Variants in MGAT4C observed in about 807,000 individuals in gnomAD.
The protein encoded by MGAT4C is MGAT4 family member C, also known as alpha-1,3-mannosyl-glycoprotein 4-beta-N-acetylglucosaminyltransferase C.
In MGAT4C, 19 loss-of-function variants were observed where a neutral mutation model predicts 40.1. That is an observed-to-expected ratio of 0.47 (90% CI 0.33 to 0.70). MGAT4C has a LOEUF of 0.70. MGAT4C is among the 30% of genes least tolerant of loss of function. The probability of loss-of-function intolerance (pLI) is 0.02; values close to 1 mark genes in which losing one functional copy is unlikely to be tolerated. For missense variants in MGAT4C, 491 were observed against 563.2 expected (o/e 0.87, Z 1.30); for synonymous variants, 181 against 187.1 (o/e 0.97, Z 0.27).
rs1882815107 is a variant in MGAT4C, at chr12:85,956,721, A to G, written c.*22568T>C. 2 of 152,222 alleles carry G rather than the reference A, an allele frequency of 1.3e-5. No individual in the cohort carries two copies. Among genetic ancestry groups the G allele is most frequent in the Non-Finnish European group, 2.9e-5 (2 of 68,042 alleles). The allele number at this position is 152,222 out of a possible 1,614,324, so 9.4% of individuals were successfully genotyped here. The stretch of plus-strand genomic sequence containing the variant: ...AATTAGTCAATAAATCATGAGCCCA[A>G]AGTCTATCCTCAACCAATCTAATCA... On this transcript the variant is annotated 3_prime_UTR_variant, in exon 5 of 5. Transcript: ENST00000611864.
rs560383645 is a variant in MGAT4C at position 86,563,718 on chromosome 12, C to G, written c.-228-128453G>C. On this transcript the variant is annotated intron_variant, in intron 2 of 7. Transcript: ENST00000548651. ...CAGACCTTTTGGGAACTACTGGACA[C>G]TGGCTCTAAGTTATTGACTCCAGGG... Among the ~76,000 whole-genome samples the G allele has an allele frequency of 1.6e-3, 248 of 152,306 alleles. 1 individual carries two copies. Among genetic ancestry groups the G allele is most frequent in the Non-Finnish European group, 1.8e-3 (122 of 68,018 alleles).
At position 86,131,543 on chromosome 12, in the gene MGAT4C, G is replaced by C. The variant is rs146104514; in HGVS notation, c.-56-81820C>G. 1.5e-4 allele frequency among the ~76,000 whole-genome samples: 23 copies of C among 152,002 alleles called. 1 individual carries two copies. The East Asian group carries it at 4.3e-3, about 28-fold the overall frequency. On this transcript the variant is annotated intron_variant, in intron 1 of 4. Coordinates refer to ENST00000611864, the MANE Select transcript of MGAT4C (RefSeq NM_001351288.2). ...AATTTGGCATTTATTCTTTTATTTT[G>C]TATAAATTTTTTATTTCAATAGACA...
At chr12:86,171,176 C>A (rs1227159497) in intron 1 of MGAT4C, among the ~76,000 whole-genome samples, 1 of 151,932 alleles carries the variant, frequency 6.6e-6, no homozygotes, top group Non-Finnish European at 1.5e-5. Flanking sequence ...TCGAGACTAG[C>A]CTGACCAACA....
intron 1 of MGAT4C, among the ~76,000 whole-genome samples, chr12:86,814,296 ATATACGTATATATATACG>A (rs1566008994): frequency 5.0e-3 from 30 of 6,028 alleles, no homozygotes; most frequent in East Asian, 0.14. Context: ...ATATATATAC[ATATACGTATATATATACG>A]TATATATACA....
intron 2 of MGAT4C, among the ~76,000 whole-genome samples, chr12:86,578,063 T>C (rs1171137707): frequency 6.6e-6 from 1 of 151,720 alleles, no homozygotes; most frequent in Non-Finnish European, 1.5e-5. Flanking sequence ...TTTATAAGAT[T>C]GTTATTTCTG....
At chr12:85,991,331 C>T (rs1885908331) in intron 2 of MGAT4C, among the ~76,000 whole-genome samples, 1 of 152,162 alleles carries the variant, frequency 6.6e-6, no homozygotes. Context: ...CGCATGCCAA[C>T]TGATCCATGG....
At chr12:86,765,943 G>A (rs575417568) in intron 1 of MGAT4C, among the ~76,000 whole-genome samples, 9 of 152,220 alleles carry the variant, frequency 5.9e-5, no homozygotes, top group Admixed American at 5.9e-4. Flanking sequence ...TCAAGACTAG[G>A]AAGAAACTGC....
intron 2 of MGAT4C, among the ~76,000 whole-genome samples, chr12:86,046,560 T>C (rs1414987845): frequency 2.0e-5 from 3 of 152,126 alleles, no homozygotes; most frequent in Admixed American, 6.6e-5. Context: ...CCAGCCCAGA[T>C]TGAATTACCA....
At chr12:86,058,327 T>A (rs1225084361) in intron 1 of MGAT4C, among the ~76,000 whole-genome samples, 1 of 152,120 alleles carries the variant, frequency 6.6e-6, no homozygotes, top group Non-Finnish European at 1.5e-5. Flanking sequence ...TCAAAAAATC[T>A]ATAAAATATT....
At chr12:86,814,913 T>C (rs190897342) in intron 1 of MGAT4C, among the ~76,000 whole-genome samples, 1 of 152,172 alleles carries the variant, frequency 6.6e-6, no homozygotes, top group East Asian at 1.9e-4. Flanking sequence ...CAGTGAGAAA[T>C]AAACTTTTAT....
intron 1 of MGAT4C, among the ~76,000 whole-genome samples, chr12:86,798,147 C>T (rs1466278731): frequency 6.6e-6 from 1 of 151,890 alleles, no homozygotes; most frequent in African/African-American, 2.4e-5. Context: ...AGATCCTTTC[C>T]ATGACACGTG....
intron 2 of MGAT4C, among the ~76,000 whole-genome samples, chr12:86,503,766 A>G (rs149120195): frequency 2.9e-5 from 2 of 68,022 alleles, no homozygotes; most frequent in East Asian, 1.5e-3. Flanking sequence ...CTGCTCATAT[A>G]TATATATATA....
chr12:86,806,941 C>T (rs1321492239), intron 1 of MGAT4C, among the ~76,000 whole-genome samples: 1 of 151,772 alleles, frequency 6.6e-6, no homozygotes, highest in Non-Finnish European at 1.5e-5. Flanking sequence ...ACCAACATGG[C>T]ACACGTATAC....
chr12:86,702,493 C>T (rs74453128), intron 2 of MGAT4C, among the ~76,000 whole-genome samples: 5 of 152,204 alleles, frequency 3.3e-5, no homozygotes, highest in South Asian at 2.1e-4. Flanking sequence ...ATGCAGCTAA[C>T]GATTTTAAGT....
chr12:86,576,355 G>A (rs143536114), intron 2 of MGAT4C, among the ~76,000 whole-genome samples: 6 of 151,740 alleles, frequency 4.0e-5, no homozygotes, highest in East Asian at 1.9e-4. Context: ...ATTTGTTCAC[G>A]TTTGCTTTGG....
At chr12:86,252,427 A>G (rs1392458515) in intron 1 of MGAT4C, among the ~76,000 whole-genome samples, 1 of 152,030 alleles carries the variant, frequency 6.6e-6, no homozygotes, top group African/African-American at 2.4e-5. Flanking sequence ...AAATGATACT[A>G]TCTAAAAACA....
At chr12:86,118,450 C>A (rs571418936) in intron 1 of MGAT4C, among the ~76,000 whole-genome samples, 1 of 152,216 alleles carries the variant, frequency 6.6e-6, no homozygotes, top group African/African-American at 2.4e-5. Flanking sequence ...ATGATGTGGA[C>A]AACATGAAAC....
chr12:86,737,273 T>C (rs1450920567), intron 1 of MGAT4C, among the ~76,000 whole-genome samples: 7 of 151,378 alleles, frequency 4.6e-5, no homozygotes, highest in Non-Finnish European at 5.9e-5. Flanking sequence ...ATGGTCAATT[T>C]TCAGTACTCA....
intron 2 of MGAT4C, among the ~76,000 whole-genome samples, chr12:86,725,157 T>C (rs1309877416): frequency 6.6e-6 from 1 of 152,206 alleles, no homozygotes; most frequent in Non-Finnish European, 1.5e-5. Context: ...CTTTATTATA[T>C]GCTGTAAAAG....
Sources: gnomAD v4.1 joint callset for allele counts (sites outside exome capture counted in the v4.1 genomes callset) on GRCh38, gnomAD v4.1.1 for gene constraint, MANE v1.5 for transcripts, NCBI Gene and HGNC (gene_info 2026-07-23, HGNC 2026-07-21) for gene names.